Variants in CEP350 observed in about 807,000 individuals in gnomAD.
CEP350 encodes the protein centrosome-associated protein 350.
Under a neutral mutation model 331.8 loss-of-function variants are expected in CEP350, and 126 were observed. The ratio of observed to expected loss-of-function variants is 0.38; its 90% CI spans 0.33 to 0.44. The LOEUF is 0.44. Ranked by LOEUF, CEP350 falls within the 20% of genes least tolerant of loss-of-function variation. The pLI is 1.00. For synonymous variants in CEP350, 1,200 were observed against 1,259.5 expected (o/e 0.95, Z 1.00); for missense variants, 3,406 against 3,634.6 (o/e 0.94, Z 1.62).
At chr1:180,108,352 G>T (rs77844843) in intron 37 of CEP350, among the ~76,000 whole-genome samples, 5,390 of 152,234 alleles carry the variant, frequency 0.035, 181 homozygotes, top group African/African-American at 0.072. Flanking sequence ...GGCCAAGAGA[G>T]GCTGGGCAGC....
chr1:180,077,671 T>TAAAAAAAAAAAAAAA (rs3067269), intron 28 of CEP350, among the ~76,000 whole-genome samples: 4 of 97,212 alleles, frequency 4.1e-5, no homozygotes, highest in East Asian at 6.5e-4. Flanking sequence ...TCTCAAAAAG[T>TAAAAAAAAAAAAAAA]AAAAAAAAAA....
In CEP350 at chr1:180,099,000, C is replaced by A. The variant is rs371713453; in HGVS notation, c.9189+15C>A. 14 of 1,601,274 alleles carry A rather than the reference C, an allele frequency of 8.7e-6. No individual in the cohort carries two copies. In the African/African-American group the frequency reaches 1.1e-4, roughly 12 times the overall value. On this transcript the variant is annotated intron_variant, in intron 37 of 37. Coordinates refer to ENST00000367607, the MANE Select transcript of CEP350 (RefSeq NM_014810.5). Reference sequence around the variant, plus strand: ...ATCATATCCTGGTCAGTGTATACAACCAAACTGTTTTTATTTTGACCATAT... The same window carrying A: ...ATCATATCCTGGTCAGTGTATACAAACAAACTGTTTTTATTTTGACCATAT...
chr1:180,012,181 A>G (rs1654701898), intron 9 of CEP350, 106 bp downstream of exon 9: 3 of 1,079,310 alleles, frequency 2.8e-6, no homozygotes, highest in African/African-American at 1.6e-5. Flanking sequence ...TTTGCTTTAT[A>G]ATTTTGAATG....
intron 17 of CEP350, among the ~76,000 whole-genome samples, chr1:180,039,112 G>A (rs183051158): frequency 1.5e-3 from 232 of 150,882 alleles, no homozygotes; most frequent in African/African-American, 5.1e-3. Flanking sequence ...AGCTACTTGC[G>A]GCGGGTTGGG....
At chr1:180,067,823 T>C (rs1658635135) in intron 27 of CEP350, among the ~76,000 whole-genome samples, 1 of 152,230 alleles carries the variant, frequency 6.6e-6, no homozygotes, top group Admixed American at 6.5e-5. Flanking sequence ...TTAAATACCA[T>C]TTATATTACC....
intron 7 of CEP350, among the ~76,000 whole-genome samples, chr1:180,004,873 G>GGCTGGCTGGCTT (rs1265597009): frequency 1.1e-4 from 11 of 100,530 alleles, no homozygotes; most frequent in Non-Finnish European, 1.9e-4. Context: ...CAGGCTGGCT[G>GGCTGGCTGGCTT]GCTTGCTTGC....
rs1650052650 is a variant in CEP350 at position 179,954,950 on chromosome 1, C to CT, written c.-203dup. On this transcript the variant is annotated 5_prime_UTR_variant, in exon 1 of 38. Transcript: ENST00000367607. ...CTTGCCCTGAGGGAGGGGAGGCAGC[C>CT]TTTCCGCCTTGTCTTCCTTCCCAGC... 14 of 1,063,998 alleles carry CT rather than the reference C, an allele frequency of 1.3e-5. No individual in the cohort carries two copies. The highest frequency in any genetic ancestry group is 1.6e-5 in the Non-Finnish European group (13 of 804,930). The allele number at this position is 1,063,998 out of a possible 1,614,324, so 65.9% of individuals were successfully genotyped here. A position where few individuals can be genotyped will look rare whatever the true frequency, so the allele number is the denominator to read the frequency against.
In CEP350 at chr1:180,114,294, A is replaced by C. The variant is rs1572021051; in HGVS notation, c.*3133A>C. On this transcript the variant is annotated 3_prime_UTR_variant, in exon 38 of 38. Transcript: ENST00000367607. ...ATTAGAGACTCATAACTTTTCTGCA[A>C]GAAATACAAACTTACATCTTCCTTT... The C allele has an allele frequency of 6.5e-6, 1 of 152,674 alleles. No individual in the cohort carries two copies. Among genetic ancestry groups the C allele is most frequent in the East Asian group, 1.9e-4 (1 of 5,196 alleles). The allele number at this position is 152,674 out of a possible 1,614,324, so 9.5% of individuals were successfully genotyped here.
At position 180,024,474 on chromosome 1, in the gene CEP350, T is replaced by C; in HGVS notation, c.3442T>C (p.Ser1148Pro). 1 of 1,613,276 alleles carries C rather than the reference T, an allele frequency of 6.2e-7. No homozygotes were observed. The highest frequency in any genetic ancestry group is 8.5e-7 in the Non-Finnish European group (1 of 1,179,582). ...TAACAGAAAGTCTGCCTATGATCCT[T>C]CCTCTGTGGATGTTACCTCCCAGCA... ...HSNRKSAYDPSSVDVTSQHSS... is the reference protein window; with the variant it reads ...HSNRKSAYDPPSVDVTSQHSS... The change falls in exon 14 of 38, where the codon TCC (serine) becomes CCC (proline). Residue 1148 changes from serine (S) to proline (P), a missense_variant. Physicochemically the swap from Ser to Pro is moderately conservative, Grantham distance 74. Coordinates refer to ENST00000367607, the MANE Select transcript of CEP350 (RefSeq NM_014810.5).
chr1:180,058,859 G>A (rs762032742), intron 25 of CEP350, among the ~76,000 whole-genome samples: 2 of 152,056 alleles, frequency 1.3e-5, no homozygotes, highest in African/African-American at 2.4e-5. Context: ...GAATTCTTTT[G>A]ACTGATAGTG....
At chr1:180,107,289 TGAA>T (rs1009069507) in intron 37 of CEP350, among the ~76,000 whole-genome samples, 8 of 152,182 alleles carry the variant, frequency 5.3e-5, no homozygotes, top group African/African-American at 1.4e-4. Flanking sequence ...TAATGGAATA[TGAA>T]GAAGATAGAA....
intron 6 of CEP350, among the ~76,000 whole-genome samples, chr1:180,002,608 T>C (rs1044494231): frequency 2.0e-5 from 3 of 152,200 alleles, no homozygotes; most frequent in African/African-American, 7.2e-5. Flanking sequence ...CTTCTAGATA[T>C]AATACCCAAG....
chr1:180,003,140 G>C (rs1381070746), intron 6 of CEP350, 34 bp from the exon 7 acceptor site: 1 of 1,364,188 alleles, frequency 7.3e-7, no homozygotes, highest in Non-Finnish European at 1.0e-6. Flanking sequence ...AAGCAACTTT[G>C]ATAAGAATAT....
At chr1:180,009,905 T>A (rs931852048) in intron 8 of CEP350, among the ~76,000 whole-genome samples, 1 of 152,186 alleles carries the variant, frequency 6.6e-6, no homozygotes, top group Non-Finnish European at 1.5e-5. Context: ...AACTTATAAA[T>A]TATAGCCCTT....
In CEP350 at chr1:180,054,459, G is replaced by A. The variant is rs767552881; in HGVS notation, c.5219G>A (p.Arg1740Gln). The change falls in exon 25 of 38, where the codon CGG (arginine) becomes CAG (glutamine). Residue 1740 changes from arginine (R) to glutamine (Q), a missense_variant. Coordinates refer to ENST00000367607, the MANE Select transcript of CEP350 (RefSeq NM_014810.5). ...GAGGATGATAAAATGCCCCCGCTCC[G>A]GAAGAAACAGCGTGGTTTGCTTTTA... ...KGEDDKMPPLRKKQRGLLLRL... is the reference protein window; with the variant it reads ...KGEDDKMPPLQKKQRGLLLRL... The A allele has an allele frequency of 8.1e-5, 130 of 1,601,854 alleles. No individual in the cohort carries two copies. The highest frequency in any genetic ancestry group is 1.6e-4 in the Middle Eastern group (1 of 6,074).
At chr1:180,095,485 C>T in intron 34 of CEP350, 38 bp from the exon 35 acceptor site, 1 of 1,563,874 alleles carries the variant, frequency 6.4e-7, no homozygotes, top group Non-Finnish European at 8.6e-7. Flanking sequence ...TATGAGGTCC[C>T]TAAATGGTGC....
At chr1:180,052,481 A>G (rs1051982085) in intron 22 of CEP350, among the ~76,000 whole-genome samples, 1 of 152,012 alleles carries the variant, frequency 6.6e-6, no homozygotes, top group Admixed American at 6.6e-5. Flanking sequence ...AGTATTCAAT[A>G]AAAAAAAGGA....
chr1:179,999,090 A>T (rs1393268180), intron 6 of CEP350, among the ~76,000 whole-genome samples: 1 of 152,196 alleles, frequency 6.6e-6, no homozygotes, highest in Non-Finnish European at 1.5e-5. Context: ...GATTACCCGA[A>T]ATCTTTGCTG....
intron 5 of CEP350, among the ~76,000 whole-genome samples, chr1:179,996,347 A>G (rs1653456768): frequency 6.6e-6 from 1 of 152,196 alleles, no homozygotes; most frequent in Non-Finnish European, 1.5e-5. Context: ...TTTAAAATTG[A>G]CAAGTAGAAA....
Sources: allele counts gnomAD v4.1 joint callset (sites outside exome capture counted in the v4.1 genomes callset), GRCh38; gene constraint gnomAD v4.1.1; transcripts MANE v1.5; gene names NCBI Gene and HGNC (gene_info 2026-07-23, HGNC 2026-07-21).